The following BCL2L14 variants were observed in gnomAD, a reference collection of about 807,000 sequenced individuals.
BCL2L14 encodes apoptosis facilitator Bcl-2-like protein 14.
In BCL2L14, 27 loss-of-function variants were observed where a neutral mutation model predicts 35.3. That is an observed-to-expected ratio of 0.76 (90% CI 0.56 to 1.05). The LOEUF (loss-of-function observed/expected upper bound fraction) is 1.05. Ranked by LOEUF, BCL2L14 falls within the 50% of genes least tolerant of loss-of-function variation. BCL2L14 has a pLI of 0.00. For synonymous variants in BCL2L14, 139 were observed against 145.9 expected, an observed-to-expected ratio of 0.95 and a Z score of 0.34; for missense variants, 377 against 382.6, an observed-to-expected ratio of 0.99 and a Z score of 0.12.
chr12:12,074,430 C>T (rs1275382088), intron 1 of BCL2L14, among the ~76,000 whole-genome samples: 1 of 152,020 alleles, frequency 6.6e-6, no homozygotes, highest in African/African-American at 2.4e-5. Context: ...AAGATATGTA[C>T]CTTTTTCTTT....
chr12:12,079,159 G>T, intron 1 of BCL2L14, 140 bp from the exon 2 acceptor site: 2 of 707,394 alleles, frequency 2.8e-6, no homozygotes, highest in Non-Finnish European at 4.7e-6. Flanking sequence ...TAAGACTGTG[G>T]CTTTTCCCTC....
At chr12:12,069,480 G>A (rs574903576), upstream of BCL2L14, among the ~76,000 whole-genome samples, 20 of 151,980 alleles carry the variant, frequency 1.3e-4, no homozygotes, top group African/African-American at 4.6e-4. Flanking sequence ...CGGGCAGATC[G>A]GGAGGTCAGG....
upstream of BCL2L14, among the ~76,000 whole-genome samples, chr12:12,069,170 C>A (rs1948628267): frequency 1.3e-5 from 2 of 152,166 alleles, no homozygotes; most frequent in Admixed American, 1.3e-4. Flanking sequence ...TACTACATGT[C>A]ATTTTATCAG....
In BCL2L14 at chr12:12,065,548, A is replaced by G. The variant is rs1032884551; in HGVS notation, c.-271-12158A>G. 4.0e-5 allele frequency among the ~76,000 whole-genome samples: 6 copies of G among 151,346 alleles called. No individual in the cohort carries two copies. The South Asian group carries it at 8.3e-4, about 21-fold the overall frequency. Reference sequence around the variant, plus strand: ...GAGACTCCATCTCAAAAAAAAAAAAAAAGAAGAAGAAGTGACAAGACAAAG... The same window carrying G: ...GAGACTCCATCTCAAAAAAAAAAAAGAAGAAGAAGAAGTGACAAGACAAAG... On this transcript the variant is annotated intron_variant, in intron 2 of 3. Transcript: ENST00000461264.
At chr12:12,059,112 T>TG (rs1948481099) in intron 2 of BCL2L14, among the ~76,000 whole-genome samples, 1 of 152,220 alleles carries the variant, frequency 6.6e-6, no homozygotes, top group Admixed American at 6.5e-5. Flanking sequence ...GGTCACGGAC[T>TG]GGGAATGCAG....
At chr12:12,093,381 C>G (rs1484580131) in intron 4 of BCL2L14, among the ~76,000 whole-genome samples, 1 of 152,166 alleles carries the variant, frequency 6.6e-6, no homozygotes, top group African/African-American at 2.4e-5. Flanking sequence ...ACTTGTAATC[C>G]CAGCTCCTGG....
chr12:12,095,173 G>A (rs1949288465), intron 5 of BCL2L14: 2 of 985,262 alleles, frequency 2.0e-6, no homozygotes, highest in South Asian at 9.4e-5. Flanking sequence ...GAAAGGGACT[G>A]GTCAGATGGA....
chr12:12,057,883 C>A (rs1821540823), intron 2 of BCL2L14, among the ~76,000 whole-genome samples: 1 of 151,748 alleles, frequency 6.6e-6, no homozygotes. Flanking sequence ...CCCTCAAATT[C>A]CAGCTTTGCC....
chr12:12,080,058 AG>A (rs1235249968), intron 2 of BCL2L14, among the ~76,000 whole-genome samples: 8 of 152,124 alleles, frequency 5.3e-5, no homozygotes, highest in African/African-American at 1.9e-4. Flanking sequence ...ACAAAAAATT[AG>A]CCGGGCGTGT....
At chr12:12,097,103 C>T (rs1949330669) in intron 5 of BCL2L14, among the ~76,000 whole-genome samples, 1 of 152,036 alleles carries the variant, frequency 6.6e-6, no homozygotes, top group Non-Finnish European at 1.5e-5. Flanking sequence ...CAAGATCGCG[C>T]CACTGCACTC....
chr12:12,098,830 A>G (rs1439705312), intron 5 of BCL2L14, 120 bp from the exon 6 acceptor site: 1 of 752,274 alleles, frequency 1.3e-6, no homozygotes, highest in East Asian at 2.6e-5. Context: ...CCTCCCCCAA[A>G]CTAACATGGT....
At chr12:12,070,622 C>T (rs1223677467), upstream of BCL2L14, among the ~76,000 whole-genome samples, 1 of 151,278 alleles carries the variant, frequency 6.6e-6, no homozygotes, top group Admixed American at 6.6e-5. Context: ...GGTTGCAGTG[C>T]GCCAAGATCG....
chr12:12,083,492 C>T (rs191360895), intron 2 of BCL2L14, among the ~76,000 whole-genome samples: 43 of 152,284 alleles, frequency 2.8e-4, no homozygotes, highest in Non-Finnish European at 4.4e-4. Context: ...GATTTGCTCA[C>T]GTGGAATGTT....
chr12:12,061,388 G>A (rs1198763379), intron 2 of BCL2L14, among the ~76,000 whole-genome samples: 2 of 151,708 alleles, frequency 1.3e-5, no homozygotes, highest in African/African-American at 2.4e-5. Flanking sequence ...CCATCCCACA[G>A]CACGCTTTAA....
At chr12:12,073,249 A>C (rs1448675633) in intron 1 of BCL2L14, among the ~76,000 whole-genome samples, 1 of 152,148 alleles carries the variant, frequency 6.6e-6, no homozygotes, top group African/African-American at 2.4e-5. Flanking sequence ...CCTGCTCTCC[A>C]GGCTCTTGTG....
chr12:12,088,662 C>T (rs181470544), intron 3 of BCL2L14, among the ~76,000 whole-genome samples: 12 of 152,328 alleles, frequency 7.9e-5, no homozygotes, highest in African/African-American at 2.6e-4. Flanking sequence ...CCCTCACTAT[C>T]TGCCTAAATC....
At chr12:12,060,106 A>T (rs931784647) in intron 2 of BCL2L14, among the ~76,000 whole-genome samples, 24 of 150,920 alleles carry the variant, frequency 1.6e-4, no homozygotes, top group Non-Finnish European at 2.9e-4. Flanking sequence ...CTAGGTCGCA[A>T]TTCTTCCTCA....
chr12:12,093,940 C>CA (rs1366435076), intron 4 of BCL2L14, among the ~76,000 whole-genome samples: 1 of 151,376 alleles, frequency 6.6e-6, no homozygotes. Context: ...TCTATCTCTA[C>CA]AAAAAAATAG....
At position 12,091,792 on chromosome 12, in the gene BCL2L14, G is replaced by C. The variant is rs143303768; in HGVS notation, c.678+943G>C. Among the ~76,000 whole-genome samples the C allele has an allele frequency of 4.2e-3, 637 of 152,304 alleles. 11 individuals carry two copies. Among genetic ancestry groups the C allele is most frequent in the African/African-American group, 0.015 (613 of 41,560 alleles). On this transcript the variant is annotated intron_variant, in intron 4 of 5. Coordinates refer to ENST00000308721, the MANE Select transcript of BCL2L14 (RefSeq NM_138723.2). ...GCTTTGGGACCACAAGTAGAGGGTG[G>C]AGAGGGGTGCAGAGGAAGCAAGAGA...
Sources: allele counts gnomAD v4.1 joint callset (sites outside exome capture counted in the v4.1 genomes callset), GRCh38; gene constraint gnomAD v4.1.1; transcripts MANE v1.5; gene names NCBI Gene and HGNC (gene_info 2026-07-23, HGNC 2026-07-21).